MACROD2: variants seen among roughly 807,000 people sequenced by gnomAD.
The protein encoded by MACROD2 is mono-ADP ribosylhydrolase 2.
MACROD2 carries 36 observed loss-of-function variants against 70.4 expected under a neutral mutation model. The observed-to-expected ratio is 0.51, with a 90% CI of 0.39 to 0.68. The LOEUF (loss-of-function observed/expected upper bound fraction) is 0.68. Ranked by LOEUF, MACROD2 falls within the 30% of genes least tolerant of loss-of-function variation. MACROD2 has a pLI of 0.00. For missense variants in MACROD2, 496 were observed against 538.4 expected (o/e 0.92, Z 0.78); for synonymous variants, 172 against 178.8 (o/e 0.96, Z 0.30).
chr20:14,202,158 A>G (rs534446126), intron 3 of MACROD2, among the ~76,000 whole-genome samples: 4 of 152,304 alleles, frequency 2.6e-5, no homozygotes, highest in African/African-American at 9.6e-5. Flanking sequence ...GCATATTAAA[A>G]TGAGTGGCAA....
At chr20:15,025,840 GAAA>G (rs2075226971) in intron 5 of MACROD2, among the ~76,000 whole-genome samples, 1 of 152,024 alleles carries the variant, frequency 6.6e-6, no homozygotes, top group Non-Finnish European at 1.5e-5. Flanking sequence ...TGGGGTAGAG[GAAA>G]AAATTAATCC....
chr20:14,419,709 A>T (rs903616009), intron 3 of MACROD2, among the ~76,000 whole-genome samples: 1 of 152,228 alleles, frequency 6.6e-6, no homozygotes, highest in Non-Finnish European at 1.5e-5. Flanking sequence ...TCAAATGTTT[A>T]TAATCAGGAT....
chr20:15,293,414 C>T (rs1365780810), intron 6 of MACROD2, among the ~76,000 whole-genome samples: 4 of 152,164 alleles, frequency 2.6e-5, no homozygotes, highest in Non-Finnish European at 4.4e-5. Context: ...TCTAAAGTTA[C>T]AGGAACCTTA....
rs567103015 is a variant in MACROD2, at chr20:14,375,887, A to G, written c.272-117592A>G. The stretch of plus-strand genomic sequence containing the variant: ...ATTATGCCAGGAGAATGGCAAATCA[A>G]TATTTAACTACCTTTTGAAGAAGCT... On this transcript the variant is annotated intron_variant, in intron 3 of 17. Transcript: ENST00000684519. Among the ~76,000 whole-genome samples the G allele has an allele frequency of 1.6e-3, 238 of 152,304 alleles. 1 individual carries two copies. The highest frequency in any genetic ancestry group is 3.1e-3 in the Admixed American group (48 of 15,298).
At chr20:14,669,680 C>T (rs75703378) in intron 4 of MACROD2, among the ~76,000 whole-genome samples, 4,990 of 152,116 alleles carry the variant, frequency 0.033, 285 homozygotes, top group African/African-American at 0.11. Context: ...CTAGTTCTGA[C>T]CTTGTGTCCC....
At chr20:15,462,261 G>T (rs6043296) in intron 7 of MACROD2, among the ~76,000 whole-genome samples, 100,762 of 152,046 alleles carry the variant, frequency 0.66, 34,439 homozygotes, top group African/African-American at 0.81. Context: ...GGCATGACTT[G>T]CATATGGACA....
intron 5 of MACROD2, among the ~76,000 whole-genome samples, chr20:14,930,863 T>A (rs1292697292): frequency 2.3e-3 from 279 of 120,082 alleles, no homozygotes; most frequent in Middle Eastern, 0.019. Flanking sequence ...TTTTTTTAAG[T>A]AAAAAAAAAA....
chr20:15,904,880 C>CAAAAAA lies in MACROD2; in HGVS notation c.775+19088_775+19093dup, dbSNP rs10556594. ...TGCGCGAAAGAGAGAGACTCTGTCTCAAAAAAAAAAAAAAAAAAAAAAAAG... is the reference window on the plus strand; with the variant it reads ...TGCGCGAAAGAGAGAGACTCTGTCTCAAAAAAAAAAAAAAAAAAAAAAAAAAAAAAG... On this transcript the variant is annotated intron_variant, in intron 10 of 17. Transcript: ENST00000684519. Among the ~76,000 whole-genome samples, 42 of 129,030 alleles carry CAAAAAA rather than the reference C, an allele frequency of 3.3e-4. 1 individual carries two copies. Among genetic ancestry groups the CAAAAAA allele is most frequent in the East Asian group, 2.0e-3 (9 of 4,460 alleles). The allele number at this position is 129,030 out of a possible 152,430, so 84.6% of individuals were successfully genotyped here.
At chr20:15,400,042 C>T (rs529437945) in intron 6 of MACROD2, among the ~76,000 whole-genome samples, 3 of 152,152 alleles carry the variant, frequency 2.0e-5, no homozygotes, top group African/African-American at 7.2e-5. Flanking sequence ...ACTTAACTGC[C>T]CTCCAAGAAA....
intron 8 of MACROD2, among the ~76,000 whole-genome samples, chr20:15,629,959 TCTC>T (rs943744000): frequency 2.0e-5 from 3 of 152,202 alleles, no homozygotes; most frequent in Non-Finnish European, 2.9e-5. Flanking sequence ...TTCTGTAAAA[TCTC>T]CTGCTCTCTG....
chr20:14,729,775 C>A (rs1003117416), intron 5 of MACROD2, among the ~76,000 whole-genome samples: 2 of 151,746 alleles, frequency 1.3e-5, no homozygotes, highest in African/African-American at 4.8e-5. Context: ...AAAATGGTCA[C>A]AAACTCAGTA....
At chr20:14,797,524 CTGCTAAGGA>C (rs2072524323) in intron 5 of MACROD2, among the ~76,000 whole-genome samples, 1 of 152,026 alleles carries the variant, frequency 6.6e-6, no homozygotes. Context: ...GCTGTCCCAT[CTGCTAAGGA>C]TGCTCTTCCT....
At chr20:15,507,760 G>A (rs2047446869) in intron 8 of MACROD2, among the ~76,000 whole-genome samples, 1 of 152,164 alleles carries the variant, frequency 6.6e-6, no homozygotes, top group Admixed American at 6.5e-5. Flanking sequence ...GCTTCACCCT[G>A]CTTTAGCATC....
chr20:14,061,506 A>G (rs2053690759), intron 2 of MACROD2, among the ~76,000 whole-genome samples: 1 of 152,124 alleles, frequency 6.6e-6, no homozygotes, highest in African/African-American at 2.4e-5. Flanking sequence ...GATCATAATC[A>G]TGTAAAAATC....
rs575613832 is a variant in MACROD2 at position 15,911,880 on chromosome 20, C to G, written c.776-21396C>G. ...TGCATGTTGGGCGTGTTGGCATGTG[C>G]GTGTAATCCTGGCTACTCAGGAGGC... On this transcript the variant is annotated intron_variant, in intron 10 of 17. Coordinates refer to ENST00000684519, the MANE Select transcript of MACROD2 (RefSeq NM_001351661.2). 3.9e-5 allele frequency among the ~76,000 whole-genome samples: 6 copies of G among 152,246 alleles called. No homozygotes were observed. The South Asian group carries it at 1.0e-3, about 26-fold the overall frequency.
intron 5 of MACROD2, among the ~76,000 whole-genome samples, chr20:15,079,578 A>T (rs190987530): frequency 1.4e-4 from 22 of 151,846 alleles, no homozygotes; most frequent in African/African-American, 5.1e-4. Context: ...TCCACCATTC[A>T]TCCTCCCCTT....
At chr20:14,262,665 A>G (rs192167198) in intron 3 of MACROD2, among the ~76,000 whole-genome samples, 4 of 152,296 alleles carry the variant, frequency 2.6e-5, no homozygotes, top group Non-Finnish European at 4.4e-5. Context: ...AAAGGAGACT[A>G]AAAGGGAGAG....
chr20:14,365,167 A>G (rs2122730161), intron 3 of MACROD2, among the ~76,000 whole-genome samples: 1 of 151,692 alleles, frequency 6.6e-6, no homozygotes, highest in Middle Eastern at 3.4e-3. Flanking sequence ...ACCTGTTGAT[A>G]TTTTCCATTT....
chr20:14,414,040 T>C (rs562609596), intron 3 of MACROD2, among the ~76,000 whole-genome samples: 67 of 152,330 alleles, frequency 4.4e-4, no homozygotes, highest in African/African-American at 1.4e-3. Flanking sequence ...ATCTGCATTC[T>C]GTCCCTAAGG....
Sources: allele counts gnomAD v4.1 joint callset (sites outside exome capture counted in the v4.1 genomes callset), GRCh38; gene constraint gnomAD v4.1.1; transcripts MANE v1.5; gene names NCBI Gene and HGNC (gene_info 2026-07-23, HGNC 2026-07-21).